DCN: variants seen among roughly 807,000 people sequenced by gnomAD.
DCN encodes bone proteoglycan II.
Under a neutral mutation model 36.5 loss-of-function variants are expected in DCN, and 17 were observed. The ratio of observed to expected loss-of-function variants is 0.47; its 90% CI spans 0.32 to 0.70. DCN has a LOEUF of 0.70. Ranked by LOEUF, DCN falls within the 30% of genes least tolerant of loss-of-function variation. DCN has a pLI of 0.04. For synonymous variants in DCN, 163 were observed against 161.4 expected (o/e 1.01, Z -0.07); for missense variants, 389 against 430.1 (o/e 0.90, Z 0.84).
intron 3 of DCN, among the ~76,000 whole-genome samples, chr12:91,159,888 C>T (rs1223952084): frequency 3.3e-5 from 5 of 151,732 alleles, no homozygotes; most frequent in African/African-American, 4.8e-5. Context: ...GTATATGTTT[C>T]GCATATATGA....
intron 2 of DCN, among the ~76,000 whole-genome samples, chr12:91,171,710 G>A (rs1882968636): frequency 6.6e-6 from 1 of 152,232 alleles, no homozygotes. Flanking sequence ...AGTTATGAGA[G>A]TGAACAGGTG....
At chr12:91,171,715 C>A (rs1420741747) in intron 2 of DCN, among the ~76,000 whole-genome samples, 1 of 152,222 alleles carries the variant, frequency 6.6e-6, no homozygotes, top group Non-Finnish European at 1.5e-5. Context: ...TGAGAGTGAA[C>A]AGGTGTCCAG....
chr12:91,164,816 C>T lies in DCN; in HGVS notation c.212-99G>A, dbSNP rs1882440237. 1.5e-5 allele frequency: 11 copies of T among 734,412 alleles called. 1 individual carries two copies. In the South Asian group the frequency reaches 1.6e-4, roughly 11 times the overall value. The allele number at this position is 734,412 out of a possible 1,614,324, so 45.5% of individuals were successfully genotyped here. On this transcript the variant is annotated intron_variant, in intron 2 of 7. Coordinates refer to ENST00000052754, the MANE Select transcript of DCN (RefSeq NM_001920.5). Reference sequence around the variant, plus strand: ...ACCAAGAAATTAATGTTATGATGATCATCTTAACAGTAACAACATATTTTT... The same window carrying T: ...ACCAAGAAATTAATGTTATGATGATTATCTTAACAGTAACAACATATTTTT...
rs1881451322 is a variant in DCN at position 91,151,841 on chromosome 12, T to G, written c.747-49A>C. 1.9e-6 allele frequency: 3 copies of G among 1,609,628 alleles called. No individual in the cohort carries two copies. In the East Asian group the frequency reaches 6.7e-5, roughly 36 times the overall value. ...AGCAAACACCACACATGGATGCCTT[T>G]CTTACAAGCATTGTGTAGTTAATCA... is the stretch of plus-strand genomic sequence containing the variant. On this transcript the variant is annotated intron_variant, in intron 6 of 7. Transcript: ENST00000052754.
intron 2 of DCN, among the ~76,000 whole-genome samples, chr12:91,165,072 C>A (rs566891848): frequency 1.3e-5 from 2 of 152,112 alleles, no homozygotes; most frequent in South Asian, 4.1e-4. Context: ...GTAGTCAGCA[C>A]GAGTGATTGG....
In DCN at chr12:91,153,110, C is replaced by T; in HGVS notation, c.732G>A (p.Leu244=). ...AATATTATTACTTAGCCAAATTATT[C>T]AGTCCTTTCAGGCTAGCTGCATCAA... is the stretch of plus-strand genomic sequence containing the variant. The part of the protein sequence containing the change: ...SRVDAASLKG[L]NNLAKLGLSF... Residue 244 remains leucine (L), a synonymous_variant, in exon 6 of 8, where the codon CTG becomes CTA. Coordinates refer to ENST00000052754, the MANE Select transcript of DCN (RefSeq NM_001920.5). The T allele has an allele frequency of 6.3e-7, 1 of 1,595,098 alleles. No individual in the cohort carries two copies. Among genetic ancestry groups the T allele is most frequent in the Non-Finnish European group, 8.6e-7 (1 of 1,162,812 alleles).
intron 3 of DCN, among the ~76,000 whole-genome samples, chr12:91,162,760 G>A (rs900938839): frequency 6.6e-6 from 1 of 152,092 alleles, no homozygotes; most frequent in Non-Finnish European, 1.5e-5. Context: ...ATAAAAATCT[G>A]CTTCTGTAAA....
intron 2 of DCN, among the ~76,000 whole-genome samples, chr12:91,170,609 A>T (rs1437472796): frequency 3.3e-5 from 5 of 152,184 alleles, no homozygotes. Context: ...TTTTAATGGT[A>T]GCAAATGCTA....
chr12:91,151,486 G>A (rs1394781433), intron 7 of DCN, 168 bp downstream of exon 7: 2 of 719,426 alleles, frequency 2.8e-6, no homozygotes, highest in Non-Finnish European at 4.7e-6. Flanking sequence ...AATGTAAATT[G>A]TGCTTCATGA....
In DCN at chr12:91,158,483, A is replaced by G. The variant is rs749660390; in HGVS notation, c.351T>C (p.Ile117=). The change falls in exon 4 of 8, where the codon ATT becomes ATC. Residue 117 remains isoleucine, a synonymous_variant. Coordinates refer to ENST00000052754, the MANE Select transcript of DCN (RefSeq NM_001920.5). ...LHALILVNNK[I]SKVSPGAFTP... ...TAAATGCTCCAGGACTAACTTTGCT[A>G]ATTTTATTGTTGACAAGAATCAATG... is the stretch of plus-strand genomic sequence containing the variant. 1.3e-6 allele frequency: 2 copies of G among 1,596,996 alleles called. No homozygotes were observed. Among genetic ancestry groups the G allele is most frequent in the Admixed American group, 3.3e-5 (2 of 59,994 alleles).
chr12:91,177,965 T>C (rs531964113), intron 2 of DCN, among the ~76,000 whole-genome samples: 2 of 152,332 alleles, frequency 1.3e-5, no homozygotes, highest in Non-Finnish European at 2.9e-5. Flanking sequence ...TAATATCTAA[T>C]ATTTTATAAA....
chr12:91,157,128 T>G lies in DCN; in HGVS notation c.599A>C (p.Lys200Thr), dbSNP rs2121204077. 6.2e-7 allele frequency: 1 copy of G among 1,613,926 alleles called. No individual in the cohort carries two copies. The highest frequency in any genetic ancestry group is 1.1e-5 in the South Asian group (1 of 91,080). Residue 200 changes from lysine to threonine, a missense_variant, in exon 5 of 8, where the codon AAG becomes ACG. By Grantham distance (78) the Lys-to-Thr change is moderately conservative. Coordinates refer to ENST00000052754, the MANE Select transcript of DCN (RefSeq NM_001920.5). ...AGCAATGCGGATGTAGGAGAGCTTC[T>G]TCATTCCCTGGAAAGCCCCATTTTC... is the stretch of plus-strand genomic sequence containing the variant. Reference protein sequence around the residue: ...GIENGAFQGMKKLSYIRIADT... With the variant: ...GIENGAFQGMTKLSYIRIADT...
In DCN at chr12:91,151,377, CCAA is replaced by C. The variant is rs1881402242; in HGVS notation, c.885+274_885+276del. ...CAAACTCCCCCTACTCACTATGGCA[CCAA>C]CATCACCACCCCTACTGAAAAAAAT... On this transcript the variant is annotated intron_variant, in intron 7 of 7. Coordinates refer to ENST00000052754, the MANE Select transcript of DCN (RefSeq NM_001920.5). The C allele has an allele frequency of 1.5e-5, 6 of 396,800 alleles. No homozygotes were observed. The East Asian group carries it at 3.3e-4, about 22-fold the overall frequency. 24.6% of individuals were successfully genotyped at this position (396,800 alleles called of 1,614,324 possible). A position where few individuals can be genotyped will look rare whatever the true frequency, so the allele number is the denominator to read the frequency against.
chr12:91,158,675 G>T (rs2078414423), intron 3 of DCN, among the ~76,000 whole-genome samples, 166 bp from the exon 4 acceptor site: 1 of 152,182 alleles, frequency 6.6e-6, no homozygotes, highest in Admixed American at 6.5e-5. Context: ...CTTAAGAAGT[G>T]TATAGGCCAG....
intron 7 of DCN, 27 bp from the exon 8 acceptor site, chr12:91,146,279 T>C (rs1478904497): frequency 7.1e-7 from 1 of 1,416,702 alleles, no homozygotes; most frequent in Non-Finnish European, 1.0e-6. Context: ...TAGAAAATAA[T>C]TATTATTCTC....
chr12:91,151,402 A>C (rs571446008), intron 7 of DCN: 164 of 451,174 alleles, frequency 3.6e-4, no homozygotes, highest in Non-Finnish European at 5.9e-4. Context: ...CTACTGAAAA[A>C]AATATCAGCA....
intron 7 of DCN, among the ~76,000 whole-genome samples, chr12:91,149,323 T>C (rs955726628): frequency 1.8e-4 from 28 of 152,172 alleles, no homozygotes; most frequent in African/African-American, 6.8e-4. Context: ...ATCAATGTAA[T>C]ACACTATATC....
At chr12:91,170,912 A>C (rs1299328090) in intron 2 of DCN, among the ~76,000 whole-genome samples, 1 of 152,140 alleles carries the variant, frequency 6.6e-6, no homozygotes, top group Non-Finnish European at 1.5e-5. Flanking sequence ...ATCCTACCTT[A>C]ATTTTTTTAA....
intron 7 of DCN, chr12:91,151,322 A>T (rs1881398138): frequency 4.8e-6 from 1 of 208,946 alleles, no homozygotes; most frequent in African/African-American, 2.3e-5. Flanking sequence ...TGACAGTAAA[A>T]AAAAAGAATT....
Sources: allele counts gnomAD v4.1 joint callset (sites outside exome capture counted in the v4.1 genomes callset), GRCh38; gene constraint gnomAD v4.1.1; transcripts MANE v1.5; gene names NCBI Gene and HGNC (gene_info 2026-07-23, HGNC 2026-07-21).